Variants in TXNRD2 observed in about 807,000 individuals in gnomAD.
TXNRD2 encodes the protein thioredoxin reductase 2.
A neutral mutation model predicts 70.8 loss-of-function variants in TXNRD2; 67 were observed. The ratio of observed to expected loss-of-function variants is 0.95; its 90% CI spans 0.78 to 1.16. The LOEUF (loss-of-function observed/expected upper bound fraction) is 1.16, where lower values mean the gene tolerates loss of function less well. TXNRD2 is among the 50% of genes most tolerant of loss of function. TXNRD2 has a pLI of 0.00. For synonymous variants in TXNRD2, 301 were observed against 295.8 expected (o/e 1.02, Z -0.18); for missense variants, 644 against 719.9 (o/e 0.89, Z 1.21).
chr22:19,930,132 A>G lies in TXNRD2; in HGVS notation c.172+898T>C, dbSNP rs559851467. On this transcript the variant is annotated intron_variant, in intron 2 of 17. Coordinates refer to ENST00000400521, the MANE Select transcript of TXNRD2 (RefSeq NM_006440.5). Reference sequence around the variant, plus strand: ...TCCTGGGTGCCTCTGCGGATCCCCAATAGGCCAGGAGACTTCCCAGGTTCC... The same window carrying G: ...TCCTGGGTGCCTCTGCGGATCCCCAGTAGGCCAGGAGACTTCCCAGGTTCC... 8.5e-4 allele frequency among the ~76,000 whole-genome samples: 129 copies of G among 152,132 alleles called. 3 individuals are homozygous for G. The highest frequency in any genetic ancestry group is 7.2e-4 in the Admixed American group (11 of 15,284).
chr22:19,921,542 A>G (rs1349169223), intron 2 of TXNRD2, among the ~76,000 whole-genome samples: 6 of 152,144 alleles, frequency 3.9e-5, no homozygotes, highest in African/African-American at 1.4e-4. Context: ...GCATGAAACA[A>G]CGGGCTTTCA....
chr22:19,888,110 G>A (rs1939109691), intron 11 of TXNRD2: 1 of 152,284 alleles, frequency 6.6e-6, no homozygotes. Flanking sequence ...GGAAGCACTG[G>A]GCTGAGCATC....
At chr22:19,940,244 C>CAAAAA (rs141013808) in intron 1 of TXNRD2, among the ~76,000 whole-genome samples, 2,670 of 67,682 alleles carry the variant, frequency 0.039, 182 homozygotes, top group African/African-American at 0.12. Flanking sequence ...GACACTGTCT[C>CAAAAA]AAAAAAAAAA....
chr22:19,916,605 G>A (rs547989214), intron 5 of TXNRD2, among the ~76,000 whole-genome samples: 151 of 150,062 alleles, frequency 1.0e-3, no homozygotes, highest in African/African-American at 3.5e-3. Flanking sequence ...GCCTCCCAAA[G>A]TGCTAGGATT....
At chr22:19,920,720 T>C (rs1168683400) in intron 2 of TXNRD2, among the ~76,000 whole-genome samples, 2 of 152,220 alleles carry the variant, frequency 1.3e-5, no homozygotes, top group Admixed American at 6.5e-5. Flanking sequence ...ACAAATCTCA[T>C]GAACCCTAAA....
chr22:19,910,446 G>A (rs1407863753), intron 8 of TXNRD2, among the ~76,000 whole-genome samples: 12 of 152,150 alleles, frequency 7.9e-5, no homozygotes, highest in Non-Finnish European at 1.6e-4. Context: ...TGTCCTTGAG[G>A]GGACCCACTG....
At chr22:19,885,411 C>T (rs899662293) in intron 11 of TXNRD2, among the ~76,000 whole-genome samples, 7 of 152,230 alleles carry the variant, frequency 4.6e-5, no homozygotes, top group African/African-American at 1.2e-4. Context: ...GCTGCTGTCC[C>T]GGGGCAGGAG....
In TXNRD2 at chr22:19,895,065, C is replaced by T. The variant is rs956020992; in HGVS notation, c.949+342G>A. On this transcript the variant is annotated intron_variant, in intron 11 of 17. Coordinates refer to ENST00000400521, the MANE Select transcript of TXNRD2 (RefSeq NM_006440.5). Reference sequence around the variant, plus strand: ...GCTGAAACCTTAATAAGCAATTGCTCAAGGGCCAGGGAAGGCGAGGATGAT... The same window carrying T: ...GCTGAAACCTTAATAAGCAATTGCTTAAGGGCCAGGGAAGGCGAGGATGAT... 13 of 1,589,230 alleles carry T rather than the reference C, an allele frequency of 8.2e-6. No individual in the cohort carries two copies. The African/African-American group carries it at 1.7e-4, about 21-fold the overall frequency.
intron 5 of TXNRD2, among the ~76,000 whole-genome samples, chr22:19,917,291 C>G (rs1308675662): frequency 6.6e-6 from 1 of 152,156 alleles, no homozygotes; most frequent in Non-Finnish European, 1.5e-5. Flanking sequence ...CCAGGGGATA[C>G]AGAGCCCCAC....
chr22:19,925,385 T>C lies in TXNRD2; in HGVS notation c.172+5645A>G, dbSNP rs190573254. Among the ~76,000 whole-genome samples, 371 of 151,962 alleles carry C rather than the reference T, an allele frequency of 2.4e-3. 8 individuals carry two copies. The highest frequency in any genetic ancestry group is 8.0e-3 in the African/African-American group (332 of 41,348). On this transcript the variant is annotated intron_variant, in intron 2 of 17. Coordinates refer to ENST00000400521, the MANE Select transcript of TXNRD2 (RefSeq NM_006440.5). ...AGAGAATTCATTACCCCCAGAGCCA[T>C]ATTACAAGAAATGCTAAAGGATGCC... is the stretch of plus-strand genomic sequence containing the variant.
At chr22:19,898,797 T>C (rs1458383865) in intron 9 of TXNRD2, among the ~76,000 whole-genome samples, 3 of 152,114 alleles carry the variant, frequency 2.0e-5, no homozygotes, top group Non-Finnish European at 4.4e-5. Flanking sequence ...GGGGCTGCTC[T>C]TGAGGGAGGA....
chr22:19,918,015 A>G (rs773592481), intron 5 of TXNRD2, 128 bp downstream of exon 5: 4 of 798,126 alleles, frequency 5.0e-6, no homozygotes, highest in Admixed American at 3.9e-5. Flanking sequence ...ATCCCCACCC[A>G]TGAGCAGGAC....
chr22:19,881,162 G>C (rs115189901), intron 12 of TXNRD2: 2 of 426,524 alleles, frequency 4.7e-6, no homozygotes, highest in Non-Finnish European at 8.2e-6. Flanking sequence ...TGATCTGCAC[G>C]TCACAGTCCA....
intron 8 of TXNRD2, among the ~76,000 whole-genome samples, chr22:19,900,502 G>A (rs1331887638): frequency 6.6e-6 from 1 of 152,214 alleles, no homozygotes; most frequent in Non-Finnish European, 1.5e-5. Flanking sequence ...TGTAATCCCA[G>A]CACTTTGGGA....
intron 11 of TXNRD2, 38 bp from the exon 12 acceptor site, chr22:19,883,499 A>G: frequency 5.0e-6 from 8 of 1,613,468 alleles, no homozygotes; most frequent in Non-Finnish European, 6.8e-6. Context: ...GGTTATCTTC[A>G]GTGGCTTTGA....
At chr22:19,907,175 C>G (rs1264743673) in intron 8 of TXNRD2, among the ~76,000 whole-genome samples, 1 of 78,104 alleles carries the variant, frequency 1.3e-5, no homozygotes, top group African/African-American at 5.2e-5. Flanking sequence ...AGAGTGTGGG[C>G]GCACCATGAG....
intron 1 of TXNRD2, chr22:19,933,373 GA>G (rs1941435341): frequency 8.5e-7 from 1 of 1,173,662 alleles, no homozygotes; most frequent in African/African-American, 1.6e-5. Context: ...CCTGCTGATG[GA>G]GAAGCATCTC....
intron 12 of TXNRD2, 108 bp downstream of exon 12, chr22:19,883,217 G>C: frequency 2.1e-6 from 3 of 1,434,100 alleles, no homozygotes; most frequent in Non-Finnish European, 2.9e-6. Context: ...TCTGTCATCA[G>C]AGAAAGTGTC....
intron 5 of TXNRD2, among the ~76,000 whole-genome samples, chr22:19,917,814 G>A (rs1940704829): frequency 6.6e-6 from 1 of 152,186 alleles, no homozygotes; most frequent in East Asian, 1.9e-4. Context: ...TTAGCCCCAG[G>A]CCTAGCTATG....
Sources: allele counts gnomAD v4.1 joint callset (sites outside exome capture counted in the v4.1 genomes callset), GRCh38; gene constraint gnomAD v4.1.1; transcripts MANE v1.5; gene names NCBI Gene and HGNC (gene_info 2026-07-23, HGNC 2026-07-21).